KDM4C: variants seen among roughly 807,000 people sequenced by gnomAD.
KDM4C encodes the protein lysine demethylase 4C, also known as lysine-specific demethylase 4C.
KDM4C carries 81 observed loss-of-function variants against 129.3 expected under a neutral mutation model. That is an observed-to-expected ratio of 0.63 (90% CI 0.52 to 0.75). The LOEUF is 0.75. Ranked by LOEUF, KDM4C falls within the 30% of genes least tolerant of loss-of-function variation. The pLI is 0.00. For synonymous variants in KDM4C, 573 were observed against 456.1 expected (o/e 1.26, Z -3.26); for missense variants, 1,457 against 1,304.0 (o/e 1.12, Z -1.81).
intron 17 of KDM4C, among the ~76,000 whole-genome samples, chr9:7,088,518 C>G (rs1835410831): frequency 6.6e-6 from 1 of 152,134 alleles, no homozygotes; most frequent in Non-Finnish European, 1.5e-5. Context: ...CAGAAGTAGT[C>G]CATGATTTGT....
rs562200127 is a variant in KDM4C, at chr9:6,733,787, T to C, written c.49+12790T>C. On this transcript the variant is annotated intron_variant, in intron 1 of 17. Transcript: ENST00000536108. ...GGCTGCTGGTTGTCTATTTTTATGG[T>C]TGTTTTTTGATGGTATGCTAAACAA... is the stretch of plus-strand genomic sequence containing the variant. 2.1e-4 allele frequency among the ~76,000 whole-genome samples: 32 copies of C among 152,296 alleles called. No individual in the cohort carries two copies. The East Asian group carries it at 5.6e-3, about 27-fold the overall frequency.
At chr9:6,970,593 C>T (rs1325291527) in intron 8 of KDM4C, among the ~76,000 whole-genome samples, 3 of 152,136 alleles carry the variant, frequency 2.0e-5, no homozygotes, top group African/African-American at 7.2e-5. Flanking sequence ...TGATTTTGCA[C>T]TGTGAAGGAA....
chr9:7,156,493 C>T (rs1225336339), intron 19 of KDM4C, among the ~76,000 whole-genome samples: 10 of 152,280 alleles, frequency 6.6e-5, no homozygotes, highest in Non-Finnish European at 1.5e-4. Context: ...TTAGGTCTAA[C>T]ATTTAAGTCT....
intron 15 of KDM4C, among the ~76,000 whole-genome samples, chr9:7,033,002 C>A (rs1249682284): frequency 6.6e-6 from 1 of 152,150 alleles, no homozygotes; most frequent in African/African-American, 2.4e-5. Context: ...TCCCAACTGA[C>A]AACAGCATTG....
rs535795095 is a variant in KDM4C, at chr9:6,961,958, G to T, written c.922-18967G>T. Among the ~76,000 whole-genome samples the T allele has an allele frequency of 9.9e-5, 15 of 152,258 alleles. No homozygotes were observed. In the East Asian group the frequency reaches 2.9e-3, roughly 29 times the overall value. ...TCAAAGACTGTAGGGAATGCCTGCT[G>T]GCCTTCACAAGTTCATTTATAAATC... On this transcript the variant is annotated intron_variant, in intron 8 of 21. Coordinates refer to ENST00000381309, the MANE Select transcript of KDM4C (RefSeq NM_015061.6).
chr9:6,880,017 C>T lies in KDM4C; in HGVS notation c.635C>T (p.Ala212Val). ...ACTTATGTTTAAAATTTTAGGTATG[C>T]TATACCTCCGGAGCATGGAAAACGA... is the stretch of plus-strand genomic sequence containing the variant. ...LHFGEPKSWY[A>V]IPPEHGKRLE... Residue 212 changes from alanine to valine, a missense_variant, in exon 6 of 22, where the codon GCT (alanine) becomes GTT (valine). By Grantham distance (64) the Ala-to-Val change is moderately conservative (BLOSUM62 0). Transcript: ENST00000381309. 2 of 1,576,882 alleles carry T rather than the reference C, an allele frequency of 1.3e-6. No individual in the cohort carries two copies. The highest frequency in any genetic ancestry group is 1.7e-6 in the Non-Finnish European group (2 of 1,156,124).
At position 6,740,472 on chromosome 9, in the gene KDM4C, G is replaced by C. The variant is rs148410910; in HGVS notation, c.49+19475G>C. Among the ~76,000 whole-genome samples the C allele has an allele frequency of 3.3e-3, 494 of 151,898 alleles. 3 individuals carry two copies. Among genetic ancestry groups the C allele is most frequent in the African/African-American group, 0.011 (473 of 41,426 alleles). ...CCCACCTCGGCCTCCCAAAGTGCTG[G>C]GATTACAGGCGTGAGCCACTGCGCC... On this transcript the variant is annotated intron_variant, in intron 1 of 17. Transcript: ENST00000536108.
At chr9:7,056,248 C>T (rs865948410) in intron 17 of KDM4C, among the ~76,000 whole-genome samples, 12 of 151,934 alleles carry the variant, frequency 7.9e-5, no homozygotes, top group African/African-American at 2.9e-4. Context: ...TATTATTTAA[C>T]ACGGCCAGTA....
intron 15 of KDM4C, among the ~76,000 whole-genome samples, chr9:7,034,762 C>T (rs1439681936): frequency 6.6e-6 from 1 of 152,162 alleles, no homozygotes; most frequent in Non-Finnish European, 1.5e-5. Context: ...TATTGTTCTC[C>T]ATGGTGGCTT....
chr9:6,894,008 G>A (rs146328645), intron 8 of KDM4C, among the ~76,000 whole-genome samples: 1 of 152,328 alleles, frequency 6.6e-6, no homozygotes, highest in East Asian at 1.9e-4. Flanking sequence ...TACAGAGGAT[G>A]TAAAGTTGAC....
intron 5 of KDM4C, among the ~76,000 whole-genome samples, chr9:6,853,640 G>A (rs973082354): frequency 1.3e-5 from 2 of 152,236 alleles, no homozygotes; most frequent in African/African-American, 4.8e-5. Context: ...ACACAGGTTT[G>A]TACTGAAGAG....
chr9:6,981,251 A>G (rs1422760999), intron 9 of KDM4C, 133 bp downstream of exon 9: 6 of 650,294 alleles, frequency 9.2e-6, no homozygotes, highest in Non-Finnish European at 1.3e-5. Flanking sequence ...AAAATGTGAG[A>G]CATTATTTTT....
chr9:6,745,578 C>CAAA (rs57251333), intron 1 of KDM4C, among the ~76,000 whole-genome samples: 1 of 106,984 alleles, frequency 9.3e-6, no homozygotes, highest in Non-Finnish European at 2.0e-5. Flanking sequence ...GTCCTGTCTC[C>CAAA]AAAAAAAAAA....
intron 12 of KDM4C, among the ~76,000 whole-genome samples, chr9:6,991,501 T>C (rs1180769596): frequency 1.3e-5 from 2 of 152,144 alleles, no homozygotes; most frequent in Non-Finnish European, 2.9e-5. Context: ...GGCCTTATTT[T>C]TTCTGTGTTT....
At chr9:7,110,663 C>A (rs1838223040) in intron 18 of KDM4C, among the ~76,000 whole-genome samples, 1 of 152,160 alleles carries the variant, frequency 6.6e-6, no homozygotes, top group African/African-American at 2.4e-5. Flanking sequence ...TGGTCTCTTT[C>A]TTTAAGAGCA....
intron 8 of KDM4C, among the ~76,000 whole-genome samples, chr9:6,974,254 C>G (rs1832542547): frequency 6.6e-6 from 1 of 152,222 alleles, no homozygotes; most frequent in Non-Finnish European, 1.5e-5. Context: ...GAAAGACTCT[C>G]TAACAAGGAA....
Position 6,793,067 on chromosome 9 carries a change from C to T in KDM4C, c.79C>T (p.Arg27Trp), listed in dbSNP as rs772334289. Reference sequence around the variant, plus strand: ...CTTCAGACCCTCCATGGAGGAGTTCCGGGAGTTCAACAAATACCTTGCATA... The same window carrying T: ...CTTCAGACCCTCCATGGAGGAGTTCTGGGAGTTCAACAAATACCTTGCATA... ...MTFRPSMEEFREFNKYLAYME... is the reference protein window; with the variant it reads ...MTFRPSMEEFWEFNKYLAYME... Residue 27 changes from arginine to tryptophan, a missense_variant, in exon 2 of 22, where the codon CGG becomes TGG. By Grantham distance (101) the Arg-to-Trp change is moderately radical (BLOSUM62 -3). Transcript: ENST00000381309. 27 of 1,614,060 alleles carry T rather than the reference C, an allele frequency of 1.7e-5. No individual in the cohort carries two copies. The highest frequency in any genetic ancestry group is 1.6e-4 in the Middle Eastern group (1 of 6,062).
intron 2 of KDM4C, among the ~76,000 whole-genome samples, chr9:6,805,288 C>A (rs988611427): frequency 1.3e-5 from 2 of 152,178 alleles, no homozygotes; most frequent in Non-Finnish European, 2.9e-5. Context: ...TAGTCTTTAG[C>A]CATTTTAACT....
chr9:6,816,652 A>G (rs1832151172), intron 4 of KDM4C, among the ~76,000 whole-genome samples: 1 of 152,172 alleles, frequency 6.6e-6, no homozygotes, highest in Non-Finnish European at 1.5e-5. Flanking sequence ...CAATGTTTTC[A>G]AGTTTCCTTT....
Sources: gnomAD v4.1 joint callset for allele counts (sites outside exome capture counted in the v4.1 genomes callset) on GRCh38, gnomAD v4.1.1 for gene constraint, MANE v1.5 for transcripts, NCBI Gene and HGNC (gene_info 2026-07-23, HGNC 2026-07-21) for gene names.